Variants in RBMS3 observed in about 807,000 individuals in gnomAD.
RBMS3 encodes the protein RNA-binding motif, single-stranded-interacting protein 3.
A neutral mutation model predicts 66.8 loss-of-function variants in RBMS3; 27 were observed. The ratio of observed to expected loss-of-function variants is 0.40; its 90% CI spans 0.30 to 0.56. RBMS3 has a LOEUF of 0.56. RBMS3 is among the 20% of genes least tolerant of loss of function. The probability of loss-of-function intolerance (pLI) is 0.40; values close to 1 mark genes in which losing one functional copy is unlikely to be tolerated. For missense variants in RBMS3, 513 were observed against 549.5 expected, an observed-to-expected ratio of 0.93 and a Z score of 0.66; for synonymous variants, 188 against 183.0, an observed-to-expected ratio of 1.03 and a Z score of -0.22.
chr3:29,364,961 C>T (rs768444818), intron 1 of RBMS3, among the ~76,000 whole-genome samples: 3 of 152,084 alleles, frequency 2.0e-5, no homozygotes, highest in South Asian at 2.1e-4. Context: ...CCACGTAGTC[C>T]TCCTTTTTCC....
rs2031782782 is a variant in RBMS3, at chr3:29,281,549, A to C, written c.-133A>C. 1 of 668,624 alleles carries C rather than the reference A, an allele frequency of 1.5e-6. No homozygotes were observed. Among genetic ancestry groups the C allele is most frequent in the Admixed American group, 3.0e-5 (1 of 33,008 alleles). 41.4% of individuals were successfully genotyped at this position (668,624 alleles called of 1,614,324 possible). On this transcript the variant is annotated 5_prime_UTR_variant, in exon 1 of 15. Coordinates refer to ENST00000383767, the MANE Select transcript of RBMS3 (RefSeq NM_001003793.3). The stretch of plus-strand genomic sequence containing the variant: ...AAAAAATTCTTGCTGTGTTGGAACT[A>C]GCGAGTGGTGGAGTCTCTGAAGCCT...
At chr3:29,455,192 G>T (rs2042144643) in intron 2 of RBMS3, among the ~76,000 whole-genome samples, 1 of 152,002 alleles carries the variant, frequency 6.6e-6, no homozygotes, top group African/African-American at 2.4e-5. Context: ...CCTATATCTC[G>T]ATCATCACAG....
At chr3:29,494,098 T>C (rs2043650030) in intron 3 of RBMS3, among the ~76,000 whole-genome samples, 2 of 152,244 alleles carry the variant, frequency 1.3e-5, no homozygotes, top group Non-Finnish European at 2.9e-5. Context: ...CATTAGCTGT[T>C]ACACGTACAG....
intron 1 of RBMS3, among the ~76,000 whole-genome samples, chr3:29,349,612 G>A (rs540086379): frequency 2.0e-4 from 30 of 152,236 alleles, no homozygotes; most frequent in African/African-American, 7.0e-4. Flanking sequence ...TCATTGGTTT[G>A]CACTAATTTT....
chr3:29,358,046 T>C (rs1028491473), intron 1 of RBMS3, among the ~76,000 whole-genome samples: 11 of 152,202 alleles, frequency 7.2e-5, no homozygotes, highest in African/African-American at 2.4e-4. Flanking sequence ...CAGAAGCTCT[T>C]TACGTAGATC....
At chr3:29,309,734 T>C (rs1224440403) in intron 1 of RBMS3, among the ~76,000 whole-genome samples, 1 of 151,594 alleles carries the variant, frequency 6.6e-6, no homozygotes, top group Non-Finnish European at 1.5e-5. Flanking sequence ...ATTTCATATA[T>C]TGGAAAGAGT....
intron 4 of RBMS3, among the ~76,000 whole-genome samples, chr3:29,597,617 T>C (rs2047995599): frequency 6.6e-6 from 1 of 152,154 alleles, no homozygotes; most frequent in Admixed American, 6.6e-5. Context: ...CATTCCAACA[T>C]CTGTAAGCAC....
At chr3:29,544,256 A>G (rs962233216) in intron 3 of RBMS3, among the ~76,000 whole-genome samples, 2 of 152,188 alleles carry the variant, frequency 1.3e-5, no homozygotes, top group Non-Finnish European at 2.9e-5. Flanking sequence ...ATAAAGTAAT[A>G]GAAAGGAAGG....
intron 2 of RBMS3, among the ~76,000 whole-genome samples, chr3:29,472,548 G>A (rs909924690): frequency 6.6e-6 from 1 of 151,898 alleles, no homozygotes; most frequent in Non-Finnish European, 1.5e-5. Context: ...CAACTCTTAA[G>A]GCGGCGCGTA....
At chr3:29,288,435 T>C (rs1053826338) in intron 1 of RBMS3, among the ~76,000 whole-genome samples, 1 of 151,766 alleles carries the variant, frequency 6.6e-6, no homozygotes, top group African/African-American at 2.4e-5. Flanking sequence ...TTCCCAGGAG[T>C]GGAACAAAAT....
intron 11 of RBMS3, among the ~76,000 whole-genome samples, chr3:29,941,825 T>G (rs1202545756): frequency 6.6e-6 from 1 of 151,806 alleles, no homozygotes; most frequent in Non-Finnish European, 1.5e-5. Flanking sequence ...TAAATATACA[T>G]GTACATATAT....
intron 10 of RBMS3, among the ~76,000 whole-genome samples, chr3:29,927,970 T>C (rs1301992441): frequency 1.3e-5 from 2 of 151,950 alleles, no homozygotes; most frequent in African/African-American, 4.8e-5. Flanking sequence ...CACTGAACTG[T>C]CCTATCTACT....
intron 4 of RBMS3, among the ~76,000 whole-genome samples, chr3:29,606,147 C>T (rs2048315265): frequency 6.6e-6 from 1 of 151,766 alleles, no homozygotes. Flanking sequence ...CTTTAGGTTG[C>T]TTAATGATAA....
chr3:29,402,205 T>C (rs1306090273), intron 1 of RBMS3, among the ~76,000 whole-genome samples: 1 of 152,034 alleles, frequency 6.6e-6, no homozygotes, highest in African/African-American at 2.4e-5. Context: ...GGCCTTCAAA[T>C]TGTAAGAGGC....
At chr3:29,573,216 G>A (rs1347892338) in intron 3 of RBMS3, among the ~76,000 whole-genome samples, 2 of 152,078 alleles carry the variant, frequency 1.3e-5, no homozygotes, top group East Asian at 3.9e-4. Flanking sequence ...CGCCTCCCAG[G>A]TTCAAGTGAT....
At chr3:29,714,118 C>T (rs1324356556) in intron 4 of RBMS3, among the ~76,000 whole-genome samples, 2 of 141,236 alleles carry the variant, frequency 1.4e-5, no homozygotes, top group African/African-American at 2.6e-5. Context: ...ATTGAGCACC[C>T]ACTATAAGCC....
chr3:29,400,631 T>C (rs1465239925), intron 1 of RBMS3, among the ~76,000 whole-genome samples: 2 of 152,054 alleles, frequency 1.3e-5, no homozygotes, highest in East Asian at 3.9e-4. Flanking sequence ...GCGAGGTAGC[T>C]GCAATCAATT....
At chr3:29,558,221 G>C (rs565814078) in intron 3 of RBMS3, among the ~76,000 whole-genome samples, 1 of 152,070 alleles carries the variant, frequency 6.6e-6, no homozygotes. Context: ...CAGGACAAGT[G>C]AAGGAGATAC....
At chr3:29,637,850 C>T (rs1346857494) in intron 4 of RBMS3, among the ~76,000 whole-genome samples, 1 of 151,832 alleles carries the variant, frequency 6.6e-6, no homozygotes, top group African/African-American at 2.4e-5. Context: ...AAGCAATAAA[C>T]TTGCCTGACA....
Sources: gnomAD v4.1 joint callset for allele counts (sites outside exome capture counted in the v4.1 genomes callset) on GRCh38, gnomAD v4.1.1 for gene constraint, MANE v1.5 for transcripts, NCBI Gene and HGNC (gene_info 2026-07-23, HGNC 2026-07-21) for gene names.